Variants in SVIP observed in about 807,000 individuals in gnomAD.
The protein encoded by SVIP is small VCP interacting protein.
A neutral mutation model predicts 12.9 loss-of-function variants in SVIP; 14 were observed. The ratio of observed to expected loss-of-function variants is 1.08; its 90% CI spans 0.72 to 1.70. The LOEUF (loss-of-function observed/expected upper bound fraction) is 1.70. Ranked by LOEUF, SVIP falls within the 40% of genes most tolerant of loss-of-function variation. The pLI, the probability that SVIP is intolerant of heterozygous loss-of-function variation, is 0.00. For missense variants in SVIP, 93 were observed against 90.8 expected (o/e 1.02, Z -0.10); for synonymous variants, 35 against 33.3 (o/e 1.05, Z -0.17).
chr11:22,829,050 A>G (rs1315720440), intron 1 of SVIP, among the ~76,000 whole-genome samples: 3 of 152,172 alleles, frequency 2.0e-5, no homozygotes, highest in Non-Finnish European at 2.9e-5. Context: ...GCACAAAACG[A>G]TATTATAAAC....
rs1857537763 is a variant in SVIP at position 22,823,004 on chromosome 11, A to G, written c.*115T>C. 1 of 914,494 alleles carries G rather than the reference A, an allele frequency of 1.1e-6. No individual in the cohort carries two copies. Among genetic ancestry groups the G allele is most frequent in the Non-Finnish European group, 1.6e-6 (1 of 631,496 alleles). The allele number at this position is 914,494 out of a possible 1,614,324, so 56.6% of individuals were successfully genotyped here. The stretch of plus-strand genomic sequence containing the variant: ...TAGCATTGCACTTAAGGGCAATAAT[A>G]TTACAAAGTCTGAATCTTCATTTAC... On this transcript the variant is annotated 3_prime_UTR_variant, in exon 4 of 4. Coordinates refer to ENST00000354193, the MANE Select transcript of SVIP (RefSeq NM_148893.3).
chr11:22,829,451 A>G lies in SVIP; in HGVS notation c.54+244T>C, dbSNP rs947742445. On this transcript the variant is annotated intron_variant, in intron 1 of 3. Transcript: ENST00000354193. ...CAGCTAAAGTCAGTGGAAGGTAGAA[A>G]GACGCCACAGCCGCCTTTCGACAAC... The G allele has an allele frequency of 7.0e-6, 3 of 430,032 alleles. No homozygotes were observed. The Admixed American group carries it at 1.3e-4, about 19-fold the overall frequency. The allele number at this position is 430,032 out of a possible 1,614,324, so 26.6% of individuals were successfully genotyped here.
At position 22,822,586 on chromosome 11, in the gene SVIP, A is replaced by C. The variant is rs1198205237; in HGVS notation, c.*533T>G. 1 of 152,210 alleles carries C rather than the reference A, an allele frequency of 6.6e-6. No homozygotes were observed. Among genetic ancestry groups the C allele is most frequent in the African/African-American group, 2.4e-5 (1 of 41,460 alleles). 9.4% of individuals were successfully genotyped at this position (152,210 alleles called of 1,614,324 possible). On this transcript the variant is annotated 3_prime_UTR_variant, in exon 4 of 4. Coordinates refer to ENST00000354193, the MANE Select transcript of SVIP (RefSeq NM_148893.3). Reference sequence around the variant, plus strand: ...ATTTTACATCTGCCTAAGAATACTCATTACTAAGTTATAAAAATTTACAGT... The same window carrying C: ...ATTTTACATCTGCCTAAGAATACTCCTTACTAAGTTATAAAAATTTACAGT...
chr11:22,822,322 T>C lies in SVIP; in HGVS notation c.*797A>G, dbSNP rs1294827267. On this transcript the variant is annotated 3_prime_UTR_variant, in exon 4 of 4. Transcript: ENST00000354193. ...AAGTACACAAGATTAACACTACTTATGAAATATGGACAAATATATTACTAC... is the reference window on the plus strand; with the variant it reads ...AAGTACACAAGATTAACACTACTTACGAAATATGGACAAATATATTACTAC... 1 of 152,166 alleles carries C rather than the reference T, an allele frequency of 6.6e-6. No homozygotes were observed. The highest frequency in any genetic ancestry group is 1.5e-5 in the Non-Finnish European group (1 of 67,982). The allele number at this position is 152,166 out of a possible 1,614,324, so 9.4% of individuals were successfully genotyped here.
In SVIP at chr11:22,820,452, T is replaced by C. The variant is rs1857438710; in HGVS notation, c.*2667A>G. 6.6e-6 allele frequency: 1 copy of C among 152,220 alleles called. No individual in the cohort carries two copies. Among genetic ancestry groups the C allele is most frequent in the Admixed American group, 6.5e-5 (1 of 15,288 alleles). The allele number at this position is 152,220 out of a possible 1,614,324, so 9.4% of individuals were successfully genotyped here. The stretch of plus-strand genomic sequence containing the variant: ...AAAATCCACCTATAAATCCAGGGAT[T>C]GTATGAACACACCAAACAACCTTTG... On this transcript the variant is annotated 3_prime_UTR_variant, in exon 4 of 4. Coordinates refer to ENST00000354193, the MANE Select transcript of SVIP (RefSeq NM_148893.3).
rs1434756554 is a variant in SVIP at position 22,822,042 on chromosome 11, G to C, written c.*1077C>G. ...ACATGTGGCCTTGCCATTTAAAAGAGCTATCAGCCTTAATAGCTAACACAA... is the reference window on the plus strand; with the variant it reads ...ACATGTGGCCTTGCCATTTAAAAGACCTATCAGCCTTAATAGCTAACACAA... On this transcript the variant is annotated 3_prime_UTR_variant, in exon 4 of 4. Coordinates refer to ENST00000354193, the MANE Select transcript of SVIP (RefSeq NM_148893.3). 6.6e-6 allele frequency: 1 copy of C among 152,074 alleles called. No individual in the cohort carries two copies. The highest frequency in any genetic ancestry group is 1.9e-4 in the East Asian group (1 of 5,194). The allele number at this position is 152,074 out of a possible 1,614,324, so 9.4% of individuals were successfully genotyped here. A position where few individuals can be genotyped will look rare whatever the true frequency, so the allele number is the denominator to read the frequency against.
Position 22,827,807 on chromosome 11 carries a change from T to C in SVIP, c.105+17A>G, listed in dbSNP as rs755892648. On this transcript the variant is annotated intron_variant, in intron 2 of 3. Coordinates refer to ENST00000354193, the MANE Select transcript of SVIP (RefSeq NM_148893.3). ...ACTCAATTATCTAAGTAGGCAAAAC[T>C]TGATCTTTAATCTTACCTCTTTTTG... The C allele has an allele frequency of 4.5e-6, 7 of 1,569,088 alleles. No homozygotes were observed. The highest frequency in any genetic ancestry group is 3.7e-5 in the South Asian group (3 of 81,516).
In SVIP at chr11:22,821,710, C is replaced by T. The variant is rs1857492183; in HGVS notation, c.*1409G>A. On this transcript the variant is annotated 3_prime_UTR_variant, in exon 4 of 4. Transcript: ENST00000354193. ...TTTCACTACCCTTTATGAACAAAAA[C>T]AGCACGAATCCTCTAAAGAAGAAAA... 6.6e-6 allele frequency: 1 copy of T among 152,114 alleles called. No individual in the cohort carries two copies. The highest frequency in any genetic ancestry group is 6.5e-5 in the Admixed American group (1 of 15,270). The allele number at this position is 152,114 out of a possible 1,614,324, so 9.4% of individuals were successfully genotyped here.
At chr11:22,823,979 A>G (rs1409383756) in intron 3 of SVIP, among the ~76,000 whole-genome samples, 1 of 152,112 alleles carries the variant, frequency 6.6e-6, no homozygotes, top group Non-Finnish European at 1.5e-5. Flanking sequence ...CCATCTTCTC[A>G]GCCTCCCAAA....
chr11:22,827,717 G>T, intron 2 of SVIP, 107 bp downstream of exon 2: 2 of 688,840 alleles, frequency 2.9e-6, no homozygotes, highest in East Asian at 2.9e-5. Flanking sequence ...GTAAATTTTT[G>T]GGATATCAAA....
chr11:22,829,625 G>A, intron 1 of SVIP, 70 bp downstream of exon 1: 1 of 1,478,902 alleles, frequency 6.8e-7, no homozygotes, highest in Non-Finnish European at 9.2e-7. Flanking sequence ...CAATGGCTCG[G>A]CCCGCCCCGC....
At chr11:22,823,285 T>C (rs979291360) in intron 3 of SVIP, 152 bp from the exon 4 acceptor site, 12 of 587,456 alleles carry the variant, frequency 2.0e-5, no homozygotes, top group South Asian at 1.9e-4. Flanking sequence ...TTTTACATTA[T>C]AGTCCAAAGC....
rs973635081 is a variant in SVIP at position 22,821,111 on chromosome 11, T to C, written c.*2008A>G. ...AATTTGCAGATATTATGTGTATATA[T>C]ATACACACATATATAATATATATAT... is the stretch of plus-strand genomic sequence containing the variant. On this transcript the variant is annotated 3_prime_UTR_variant, in exon 4 of 4. Transcript: ENST00000354193. 1.4e-5 allele frequency: 2 copies of C among 147,726 alleles called. No individual in the cohort carries two copies. Among genetic ancestry groups the C allele is most frequent in the African/African-American group, 4.9e-5 (2 of 40,662 alleles). 9.2% of individuals were successfully genotyped at this position (147,726 alleles called of 1,614,324 possible). A position where few individuals can be genotyped will look rare whatever the true frequency, so the allele number is the denominator to read the frequency against.
At chr11:22,828,903 GTACTAATGT>G (rs1176225531) in intron 1 of SVIP, among the ~76,000 whole-genome samples, 58 of 152,252 alleles carry the variant, frequency 3.8e-4, no homozygotes, top group Non-Finnish European at 6.3e-4. Flanking sequence ...CCTGTAAGGA[GTACTAATGT>G]AAAGATACTG....
chr11:22,824,173 C>T (rs909659285), intron 3 of SVIP, among the ~76,000 whole-genome samples: 2 of 152,024 alleles, frequency 1.3e-5, no homozygotes, highest in African/African-American at 4.8e-5. Context: ...CAAAATAAAA[C>T]ACAACAAAAC....
At chr11:22,824,441 C>CACATATATATATATAT in intron 3 of SVIP, among the ~76,000 whole-genome samples, 4 of 114,140 alleles carry the variant, frequency 3.5e-5, no homozygotes, top group Middle Eastern at 8.8e-3. Context: ...TATATACACA[C>CACATATATATATATAT]ACACATATAT....
chr11:22,824,309 A>C (rs1392929659), intron 3 of SVIP, among the ~76,000 whole-genome samples: 1 of 151,892 alleles, frequency 6.6e-6, no homozygotes, highest in African/African-American at 2.4e-5. Flanking sequence ...TTGTTTAATG[A>C]AGTCTATTAA....
chr11:22,829,038 T>C (rs911411579), intron 1 of SVIP, among the ~76,000 whole-genome samples: 1 of 152,198 alleles, frequency 6.6e-6, no homozygotes, highest in Non-Finnish European at 1.5e-5. Context: ...TAATATTGCA[T>C]GGCACAAAAC....
In SVIP at chr11:22,822,984, T is replaced by C. The variant is rs944137527; in HGVS notation, c.*135A>G. 1.0e-5 allele frequency: 7 copies of C among 683,290 alleles called. No individual in the cohort carries two copies. Among genetic ancestry groups the C allele is most frequent in the Non-Finnish European group, 1.4e-5 (6 of 441,354 alleles). 42.3% of individuals were successfully genotyped at this position (683,290 alleles called of 1,614,324 possible). A position where few individuals can be genotyped will look rare whatever the true frequency, so the allele number is the denominator to read the frequency against. The stretch of plus-strand genomic sequence containing the variant: ...CTTGAAAATCAACGTTTTTTTAGCA[T>C]TGCACTTAAGGGCAATAATATTACA... On this transcript the variant is annotated 3_prime_UTR_variant, in exon 4 of 4. Transcript: ENST00000354193.
Sources: allele counts gnomAD v4.1 joint callset (sites outside exome capture counted in the v4.1 genomes callset), GRCh38; gene constraint gnomAD v4.1.1; transcripts MANE v1.5; gene names NCBI Gene and HGNC (gene_info 2026-07-23, HGNC 2026-07-21).